Variants in PACS2 observed in about 807,000 individuals in gnomAD.
PACS2 encodes PACS1-like protein.
Under a neutral mutation model 113.0 loss-of-function variants are expected in PACS2, and 36 were observed. The observed-to-expected ratio is 0.32, with a 90% CI of 0.24 to 0.42. The LOEUF (loss-of-function observed/expected upper bound fraction) is 0.42, where lower values mean the gene tolerates loss of function less well. PACS2 is among the 10% of genes least tolerant of loss of function. The pLI is 1.00. For missense variants in PACS2, 1,015 were observed against 1,239.5 expected, an observed-to-expected ratio of 0.82 and a Z score of 2.72; for synonymous variants, 589 against 536.1, an observed-to-expected ratio of 1.10 and a Z score of -1.36.
intron 5 of PACS2, 148 bp from the exon 6 acceptor site, chr14:105,367,926 G>A (rs1453012513): frequency 2.1e-5 from 14 of 658,284 alleles, no homozygotes; most frequent in African/African-American, 1.5e-4. Flanking sequence ...TCGGGGCCAC[G>A]GCACCTGTGT....
In PACS2 at chr14:105,396,976, C is replaced by T. The variant is rs587612034; in HGVS notation, c.*2304C>T. 2.4e-4 allele frequency: 36 copies of T among 152,388 alleles called. No individual in the cohort carries two copies. Among genetic ancestry groups the T allele is most frequent in the African/African-American group, 8.7e-4 (36 of 41,582 alleles). The allele number at this position is 152,388 out of a possible 1,614,324, so 9.4% of individuals were successfully genotyped here. On this transcript the variant is annotated 3_prime_UTR_variant, in exon 25 of 25. Transcript: ENST00000447393. ...CTGGAGCCCTCCTGCCTACCCCGTA[C>T]CTCCCATCTGGCTGCACAGCTCCAT...
At chr14:105,336,476 A>G (rs1279793763) in intron 1 of PACS2, 2 of 152,402 alleles carry the variant, frequency 1.3e-5, no homozygotes, top group Non-Finnish European at 2.9e-5. Flanking sequence ...GCTGGGCGGA[A>G]GAGATCCTGG....
intron 10 of PACS2, 57 bp downstream of exon 10, chr14:105,379,886 G>A: frequency 6.5e-7 from 1 of 1,529,264 alleles, no homozygotes; most frequent in Admixed American, 1.7e-5. Flanking sequence ...GGGCTGTGGT[G>A]TGGCCCAAAT....
Position 105,329,702 on chromosome 14 carries a change from C to T in PACS2, c.119+14665C>T, listed in dbSNP as rs375373675. Among the ~76,000 whole-genome samples the T allele has an allele frequency of 4.9e-4, 75 of 152,310 alleles. No individual in the cohort carries two copies. The highest frequency in any genetic ancestry group is 1.8e-3 in the African/African-American group (73 of 41,566). ...GGTGCGCACCTGGAGTCCTTTCCTG[C>T]GTGACTTGCAAACAGGCCTTGCAGG... On this transcript the variant is annotated intron_variant, in intron 1 of 24. Transcript: ENST00000447393. This position sits in a 1 kb window ranked among gnomAD's most constrained non-coding sequence, Gnocchi z 6.4.
At chr14:105,379,038 G>A (rs587613102) in intron 9 of PACS2, among the ~76,000 whole-genome samples, 7 of 145,732 alleles carry the variant, frequency 4.8e-5, no homozygotes, top group South Asian at 2.2e-4. Flanking sequence ...CTGGATGGTC[G>A]GGAAGGGCCT....
chr14:105,352,902 G>A (rs1595668900), intron 3 of PACS2, among the ~76,000 whole-genome samples: 1 of 104,476 alleles, frequency 9.6e-6, no homozygotes, highest in African/African-American at 3.8e-5. Flanking sequence ...GGGGTGACGG[G>A]CCCCCTCATC....
intron 2 of PACS2, among the ~76,000 whole-genome samples, chr14:105,350,299 A>T (rs1410921182): frequency 6.6e-6 from 1 of 152,162 alleles, no homozygotes. Flanking sequence ...GCATGAAGGC[A>T]AGAGTCGACC....
At chr14:105,382,138 A>C in intron 13 of PACS2, 80 bp downstream of exon 13, 2 of 1,423,502 alleles carry the variant, frequency 1.4e-6, no homozygotes, top group Non-Finnish European at 1.9e-6. Context: ...GCAAAAAGAG[A>C]AGCACAGGGG....
At chr14:105,333,363 C>T (rs1016873463) in intron 1 of PACS2, among the ~76,000 whole-genome samples, 2 of 152,234 alleles carry the variant, frequency 1.3e-5, no homozygotes, top group African/African-American at 4.8e-5. Context: ...TGCAGGCGTT[C>T]CCATGGCGCC....
chr14:105,360,676 G>T lies in PACS2; in HGVS notation c.423+5499G>T, dbSNP rs143889615. Among the ~76,000 whole-genome samples the T allele has an allele frequency of 2.3e-3, 343 of 152,274 alleles. 2 individuals are homozygous for T. Among genetic ancestry groups the T allele is most frequent in the African/African-American group, 7.8e-3 (324 of 41,544 alleles). On this transcript the variant is annotated intron_variant, in intron 4 of 24. Coordinates refer to ENST00000447393, the MANE Select transcript of PACS2 (RefSeq NM_001100913.3). ...AGAGTGTTGGTTGCTGAAGGCTAGG[G>T]TGCCTGTGGCAATTTCTTAAATAAA...
intron 20 of PACS2, chr14:105,390,884 C>A: frequency 9.6e-6 from 4 of 417,410 alleles, no homozygotes; most frequent in Non-Finnish European, 1.3e-5. Context: ...GGCCTATCCC[C>A]GTCGGCCCGC....
Position 105,355,954 on chromosome 14 carries a change from G to A in PACS2, c.423+777G>A, listed in dbSNP as rs1401563790. On this transcript the variant is annotated intron_variant, in intron 4 of 24. Transcript: ENST00000447393. This position sits in a 1 kb window ranked among gnomAD's most constrained non-coding sequence, Gnocchi z 4.1. ...TTTCCCCATCGTGGGGTTGTGTTCA[G>A]GGGTCCAGGGGCTGCGGGCGTGAGT... 6.6e-6 allele frequency among the ~76,000 whole-genome samples: 1 copy of A among 152,228 alleles called. No individual in the cohort carries two copies. The highest frequency in any genetic ancestry group is 1.5e-5 in the Non-Finnish European group (1 of 68,030).
rs2058521913 is a variant in PACS2 at position 105,315,193 on chromosome 14, C to T, written c.119+156C>T. ...GCCGGTTCGACGCGTGCAGCCGCCG[C>T]CCCCCCGCAGCTCCGGCAAGCGCGG... On this transcript the variant is annotated intron_variant, in intron 1 of 24. Coordinates refer to ENST00000447393, the MANE Select transcript of PACS2 (RefSeq NM_001100913.3). The surrounding 1 kb of genome is among the most constrained non-coding windows in gnomAD (Gnocchi z 4.4). The T allele has an allele frequency of 7.0e-6, 2 of 284,394 alleles. No individual in the cohort carries two copies. Among genetic ancestry groups the T allele is most frequent in the Non-Finnish European group, 1.1e-5 (2 of 183,338 alleles). 17.6% of individuals were successfully genotyped at this position (284,394 alleles called of 1,614,324 possible).
rs183277069 is a variant in PACS2 at position 105,370,297 on chromosome 14, G to A, written c.801+397G>A. The A allele has an allele frequency of 6.0e-3, 738 of 122,102 alleles. 9 individuals carry two copies. Among genetic ancestry groups the A allele is most frequent in the African/African-American group, 0.024 (715 of 29,804 alleles). The allele number at this position is 122,102 out of a possible 1,614,324, so 7.6% of individuals were successfully genotyped here. On this transcript the variant is annotated intron_variant, in intron 8 of 24. Transcript: ENST00000447393. ...TGACAGCCCCCCACTATTGACATGG[G>A]CCCCCCCTCCCCACCTGACAGCCCC...
chr14:105,359,882 T>C (rs1044579500), intron 4 of PACS2, among the ~76,000 whole-genome samples: 5 of 152,296 alleles, frequency 3.3e-5, no homozygotes, highest in Non-Finnish European at 7.3e-5. Flanking sequence ...TGAGCCACTG[T>C]ACCCGGCCAA....
intron 4 of PACS2, among the ~76,000 whole-genome samples, chr14:105,359,150 G>A (rs114899586): frequency 0.015 from 2,276 of 151,828 alleles, 63 homozygotes; most frequent in African/African-American, 0.052. Flanking sequence ...CCACCCCTAC[G>A]CGGCGGTGCG....
At chr14:105,303,535 G>A (rs58129451) in intron 1 of PACS2, among the ~76,000 whole-genome samples, 83 of 152,324 alleles carry the variant, frequency 5.4e-4, no homozygotes, top group African/African-American at 1.9e-3. Flanking sequence ...GAGCCATCGC[G>A]CCTGGCCTTT....
chr14:105,356,421 G>A lies in PACS2; in HGVS notation c.423+1244G>A, dbSNP rs1486974443. Among the ~76,000 whole-genome samples the A allele has an allele frequency of 2.6e-5, 4 of 152,180 alleles. No homozygotes were observed. The highest frequency in any genetic ancestry group is 4.4e-5 in the Non-Finnish European group (3 of 68,010). On this transcript the variant is annotated intron_variant, in intron 4 of 24. Transcript: ENST00000447393. The surrounding 1 kb of genome is among the most constrained non-coding windows in gnomAD (Gnocchi z 4.0). ...CTTCCCGATTCCTTCGGCAAACCAC[G>A]GACAGCACGGGTGGACCGGGCCTCC... is the stretch of plus-strand genomic sequence containing the variant.
chr14:105,375,353 C>T (rs2061315215), intron 8 of PACS2, among the ~76,000 whole-genome samples: 2 of 151,986 alleles, frequency 1.3e-5, no homozygotes, highest in South Asian at 2.1e-4. Context: ...TGATGGGCGC[C>T]TGTAGTCCCA....
Sources: gnomAD v4.1 joint callset for allele counts (sites outside exome capture counted in the v4.1 genomes callset) on GRCh38, gnomAD v4.1.1 for gene constraint, Gnocchi (gnomAD v3.1) non-coding constraint, MANE v1.5 for transcripts, NCBI Gene and HGNC (gene_info 2026-07-23, HGNC 2026-07-21) for gene names.